Variants in UBAC2 observed in about 807,000 individuals in gnomAD.
UBAC2 encodes ubiquitin-associated domain-containing protein 2.
In UBAC2, 26 loss-of-function variants were observed where a neutral mutation model predicts 44.0. That is an observed-to-expected ratio of 0.59 (90% CI 0.43 to 0.82). The LOEUF is 0.82. Ranked by LOEUF, UBAC2 falls within the 40% of genes least tolerant of loss-of-function variation. The probability of loss-of-function intolerance (pLI) is 0.00; values close to 1 mark genes in which losing one functional copy is unlikely to be tolerated. For synonymous variants in UBAC2, 155 were observed against 154.3 expected, an observed-to-expected ratio of 1.00 and a Z score of -0.04; for missense variants, 329 against 419.4, an observed-to-expected ratio of 0.78 and a Z score of 1.88.
intron 1 of UBAC2, chr13:99,201,355 C>T: frequency 1.3e-6 from 2 of 1,559,974 alleles, no homozygotes; most frequent in Non-Finnish European, 1.7e-6. Context: ...ACTCCCCCCG[C>T]CCCCACTTGC....
intron 6 of UBAC2, among the ~76,000 whole-genome samples, chr13:99,331,505 A>G (rs1000823684): frequency 6.6e-6 from 1 of 152,260 alleles, no homozygotes; most frequent in Non-Finnish European, 1.5e-5. Context: ...AAGGATATCC[A>G]GCATTTTAAT....
chr13:99,385,452 G>A lies in UBAC2; in HGVS notation c.*117G>A. The A allele has an allele frequency of 1.2e-6, 1 of 823,644 alleles. No homozygotes were observed. Among genetic ancestry groups the A allele is most frequent in the South Asian group, 1.5e-5 (1 of 65,578 alleles). The allele number at this position is 823,644 out of a possible 1,614,324, so 51.0% of individuals were successfully genotyped here. A position where few individuals can be genotyped will look rare whatever the true frequency, so the allele number is the denominator to read the frequency against. ...GTGCTGATGTTCTTGTGGGAAGAGG[G>A]AGGTTCCACCGCACCCCTGCCCTCA... On this transcript the variant is annotated 3_prime_UTR_variant, in exon 9 of 9. Transcript: ENST00000403766.
chr13:99,263,045 A>G (rs1594065871), intron 4 of UBAC2, among the ~76,000 whole-genome samples: 1 of 152,198 alleles, frequency 6.6e-6, no homozygotes, highest in African/African-American at 2.4e-5. Context: ...TGTAGTTTAC[A>G]TGGTGTGACC....
intron 4 of UBAC2, among the ~76,000 whole-genome samples, chr13:99,302,053 A>C (rs955457329): frequency 6.6e-6 from 1 of 152,198 alleles, no homozygotes; most frequent in Non-Finnish European, 1.5e-5. Flanking sequence ...CTGTAGGTCA[A>C]GTCTTCTCTA....
chr13:99,374,458 G>A (rs1320031147), intron 8 of UBAC2, among the ~76,000 whole-genome samples: 3 of 152,176 alleles, frequency 2.0e-5, no homozygotes, highest in African/African-American at 7.2e-5. Context: ...ATGACACGTC[G>A]TGTGGATTCT....
At chr13:99,304,986 G>A (rs1161896398) in intron 4 of UBAC2, among the ~76,000 whole-genome samples, 3 of 152,226 alleles carry the variant, frequency 2.0e-5, no homozygotes, top group African/African-American at 7.2e-5. Flanking sequence ...CAGGGAGGAA[G>A]AGATGTTGAT....
rs575317410 is a variant in UBAC2 at position 99,217,817 on chromosome 13, C to T, written c.31+16878C>T. ...TGATGTCCTGAGGCGGATGATCTGGCAGCCTCAGGGCCGAGTTGTTAGGTG... is the reference window on the plus strand; with the variant it reads ...TGATGTCCTGAGGCGGATGATCTGGTAGCCTCAGGGCCGAGTTGTTAGGTG... On this transcript the variant is annotated intron_variant, in intron 1 of 8. Coordinates refer to ENST00000403766, the MANE Select transcript of UBAC2 (RefSeq NM_001144072.2). 5.9e-5 allele frequency among the ~76,000 whole-genome samples: 9 copies of T among 152,306 alleles called. 2 individuals are homozygous for T. The South Asian group carries it at 1.9e-3, about 32-fold the overall frequency.
At chr13:99,253,422 C>T (rs765118516) in intron 4 of UBAC2, among the ~76,000 whole-genome samples, 2 of 151,716 alleles carry the variant, frequency 1.3e-5, no homozygotes, top group Non-Finnish European at 2.9e-5. Flanking sequence ...TCTAAGGGAC[C>T]TTCTAGTGCA....
Position 99,346,305 on chromosome 13 carries a change from G to A in UBAC2, c.807+5740G>A, listed in dbSNP as rs575859498. Among the ~76,000 whole-genome samples the A allele has an allele frequency of 6.6e-5, 10 of 152,190 alleles. No individual in the cohort carries two copies. The East Asian group carries it at 1.7e-3, about 26-fold the overall frequency. On this transcript the variant is annotated intron_variant, in intron 7 of 8. Coordinates refer to ENST00000403766, the MANE Select transcript of UBAC2 (RefSeq NM_001144072.2). ...TTTCTTCCCTCCCATCTCCATCACC[G>A]ACTGCCTCCCTCCTGAGCCTGCCCC...
intron 4 of UBAC2, among the ~76,000 whole-genome samples, chr13:99,271,119 T>C (rs999142535): frequency 6.6e-6 from 1 of 152,192 alleles, no homozygotes; most frequent in Non-Finnish European, 1.5e-5. Context: ...TACATTGTAA[T>C]TGAGGGTAAA....
chr13:99,318,385 T>C (rs2044521906), intron 6 of UBAC2, among the ~76,000 whole-genome samples: 1 of 151,606 alleles, frequency 6.6e-6, no homozygotes, highest in South Asian at 2.1e-4. Flanking sequence ...CAGGCTGGTC[T>C]CAAACTCCTG....
chr13:99,258,692 AC>A (rs1238609657), intron 4 of UBAC2: 1 of 152,118 alleles, frequency 6.6e-6, no homozygotes, highest in Non-Finnish European at 1.5e-5. Context: ...ACTCTGACTA[AC>A]CCTTTGTTCC....
rs529774777 is a variant in UBAC2, at chr13:99,252,010, A to G, written c.389+7386A>G. On this transcript the variant is annotated intron_variant, in intron 4 of 8. Coordinates refer to ENST00000403766, the MANE Select transcript of UBAC2 (RefSeq NM_001144072.2). Reference sequence around the variant, plus strand: ...TCCTAAGCTCAAGCCCAGTCCTCCCACCTCAGCCTCCTGAGTAGCTGGGAT... The same window carrying G: ...TCCTAAGCTCAAGCCCAGTCCTCCCGCCTCAGCCTCCTGAGTAGCTGGGAT... Among the ~76,000 whole-genome samples the G allele has an allele frequency of 1.3e-4, 20 of 152,232 alleles. No homozygotes were observed. The East Asian group carries it at 3.9e-3, about 29-fold the overall frequency.
chr13:99,246,148 T>C (rs1359387615), intron 4 of UBAC2, among the ~76,000 whole-genome samples: 1 of 152,268 alleles, frequency 6.6e-6, no homozygotes, highest in East Asian at 1.9e-4. Flanking sequence ...CTTTCGTACC[T>C]GCATTGTTAA....
chr13:99,202,939 T>A (rs975656394), intron 1 of UBAC2, among the ~76,000 whole-genome samples: 4 of 152,194 alleles, frequency 2.6e-5, no homozygotes, highest in Middle Eastern at 3.2e-3. Flanking sequence ...CCAGGACTGG[T>A]CATTAGAAAA....
chr13:99,305,047 A>C (rs1411652190), intron 4 of UBAC2, among the ~76,000 whole-genome samples: 1 of 152,230 alleles, frequency 6.6e-6, no homozygotes, highest in East Asian at 1.9e-4. Flanking sequence ...AAAGTAAGTA[A>C]AGGTTTTATA....
intron 1 of UBAC2, among the ~76,000 whole-genome samples, chr13:99,203,010 T>G (rs1445598517): frequency 7.0e-6 from 1 of 142,642 alleles, no homozygotes; most frequent in Non-Finnish European, 1.5e-5. Flanking sequence ...GAGAAGTGAT[T>G]TCCTTTGTTT....
intron 7 of UBAC2, among the ~76,000 whole-genome samples, chr13:99,355,679 T>C (rs1160424080): frequency 6.6e-6 from 1 of 152,180 alleles, no homozygotes; most frequent in African/African-American, 2.4e-5. Flanking sequence ...AAGTTCCCCA[T>C]GAGGAGTGAT....
intron 4 of UBAC2, among the ~76,000 whole-genome samples, chr13:99,257,516 T>C (rs1594058200): frequency 6.6e-6 from 1 of 152,334 alleles, no homozygotes; most frequent in East Asian, 1.9e-4. Context: ...TTATGTAGCT[T>C]GTCACCAATA....
Sources: gnomAD v4.1 joint callset for allele counts (sites outside exome capture counted in the v4.1 genomes callset) on GRCh38, gnomAD v4.1.1 for gene constraint, MANE v1.5 for transcripts, NCBI Gene and HGNC (gene_info 2026-07-23, HGNC 2026-07-21) for gene names.